NFASC: variants seen among roughly 807,000 people sequenced by gnomAD.
NFASC encodes neurofascin homolog.
NFASC carries 43 observed loss-of-function variants against 147.5 expected under a neutral mutation model. That is an observed-to-expected ratio of 0.29 (90% CI 0.23 to 0.38). NFASC has a LOEUF of 0.38. Among genes scored for constraint, NFASC ranks in the 10% least tolerant of loss-of-function variants. The pLI is 1.00. For synonymous variants in NFASC, 622 were observed against 665.5 expected, an observed-to-expected ratio of 0.93 and a Z score of 1.01; for missense variants, 1,320 against 1,689.0, an observed-to-expected ratio of 0.78 and a Z score of 3.83.
At chr1:205,014,087 C>T (rs765039843) in intron 29 of NFASC, among the ~76,000 whole-genome samples, 1 of 152,248 alleles carries the variant, frequency 6.6e-6, no homozygotes, top group East Asian at 1.9e-4. Flanking sequence ...TTCTCCTCCC[C>T]CAGACTCTTG....
intron 24 of NFASC, among the ~76,000 whole-genome samples, chr1:204,993,410 A>G (rs2095782946): frequency 6.6e-6 from 1 of 152,180 alleles, no homozygotes; most frequent in Non-Finnish European, 1.5e-5. Context: ...TGGGCTCTTG[A>G]TAGGTGCCCT....
chr1:204,913,178 T>G (rs2088132344), intron 1 of NFASC, among the ~76,000 whole-genome samples: 2 of 152,156 alleles, frequency 1.3e-5, no homozygotes, highest in South Asian at 4.2e-4. Context: ...ACAACAAAAT[T>G]TTAAAATGAA....
At position 204,968,002 on chromosome 1, in the gene NFASC, G is replaced by A; in HGVS notation, c.707-247G>A. 1 of 416,456 alleles carries A rather than the reference G, an allele frequency of 2.4e-6. No homozygotes were observed. Among genetic ancestry groups the A allele is most frequent in the South Asian group, 3.0e-5 (1 of 33,032 alleles). The allele number at this position is 416,456 out of a possible 1,614,324, so 25.8% of individuals were successfully genotyped here. ...GAAGGGGAGATTCCCTGAACCTGAG[G>A]GAAGCTGGGCTCCTCCAGGCAGATC... On this transcript the variant is annotated intron_variant, in intron 8 of 29. Coordinates refer to ENST00000339876, the MANE Select transcript of NFASC (RefSeq NM_001005388.3). This position sits in a 1 kb window ranked among gnomAD's most constrained non-coding sequence, Gnocchi z 5.4.
intron 2 of NFASC, among the ~76,000 whole-genome samples, chr1:204,924,962 AC>A (rs1382381814): frequency 2.0e-5 from 3 of 152,050 alleles, no homozygotes; most frequent in African/African-American, 7.2e-5. Context: ...TGCAATCTTC[AC>A]CTCCCAGGTT....
chr1:205,002,534 A>G (rs2096012001), intron 26 of NFASC, 62 bp from the exon 27 acceptor site: 1 of 1,333,848 alleles, frequency 7.5e-7, no homozygotes, highest in Admixed American at 2.6e-5. Flanking sequence ...ACCAGGACCT[A>G]AGCACTGGCT....
intron 1 of NFASC, among the ~76,000 whole-genome samples, chr1:204,848,854 G>A (rs911633122): frequency 3.3e-5 from 5 of 152,150 alleles, no homozygotes; most frequent in South Asian, 2.1e-4. Context: ...GAAGCAAAGC[G>A]TTCATTATCA....
At chr1:204,971,729 T>C (rs2095263003) in intron 11 of NFASC, among the ~76,000 whole-genome samples, 1 of 152,200 alleles carries the variant, frequency 6.6e-6, no homozygotes, top group African/African-American at 2.4e-5. Context: ...TGTGGGTTGC[T>C]GTGAGTCTGC....
At chr1:204,847,814 G>A (rs1445942389) in intron 1 of NFASC, among the ~76,000 whole-genome samples, 1 of 152,066 alleles carries the variant, frequency 6.6e-6, no homozygotes, top group East Asian at 1.9e-4. Flanking sequence ...TCCCATGAGC[G>A]GTGGGCATGG....
chr1:204,909,916 T>G (rs958275957), intron 1 of NFASC, among the ~76,000 whole-genome samples: 2 of 152,140 alleles, frequency 1.3e-5, no homozygotes, highest in Non-Finnish European at 2.9e-5. Context: ...TTTGGGTTTT[T>G]TTTTTAATTA....
chr1:204,990,577 AAAG>A (rs1314567413), intron 23 of NFASC: 1 of 151,026 alleles, frequency 6.6e-6, no homozygotes, highest in Non-Finnish European at 1.5e-5. Flanking sequence ...AAAAAAAAAA[AAAG>A]AAAAAGAAAG....
rs145668075 is a variant in NFASC, at chr1:204,884,033, C to T, written c.-199-36599C>T. 4.7e-3 allele frequency among the ~76,000 whole-genome samples: 715 copies of T among 152,264 alleles called. 9 individuals carry two copies. Among genetic ancestry groups the T allele is most frequent in the African/African-American group, 0.016 (658 of 41,542 alleles). ...GACATCTTGGTTTTTCCCTCCCCTG[C>T]GTCTCACACAGAAGTATTAAGTTGA... is the stretch of plus-strand genomic sequence containing the variant. On this transcript the variant is annotated intron_variant, in intron 1 of 29. Coordinates refer to ENST00000339876, the MANE Select transcript of NFASC (RefSeq NM_001005388.3).
intron 1 of NFASC, among the ~76,000 whole-genome samples, chr1:204,918,863 G>T (rs558353070): frequency 6.6e-6 from 1 of 152,092 alleles, no homozygotes; most frequent in Admixed American, 6.6e-5. Context: ...TGGGATTATA[G>T]GCATGAGCCA....
intron 1 of NFASC, among the ~76,000 whole-genome samples, chr1:204,908,038 G>A (rs1226469566): frequency 6.6e-6 from 1 of 152,178 alleles, no homozygotes; most frequent in Admixed American, 6.5e-5. Flanking sequence ...CCAGAGTGCA[G>A]TGGTGCAACC....
intron 15 of NFASC, among the ~76,000 whole-genome samples, 181 bp from the exon 16 acceptor site, chr1:204,976,490 G>A (rs12124296): frequency 0.22 from 34,160 of 152,148 alleles, 4,654 homozygotes; most frequent in Middle Eastern, 0.37. Context: ...CAAGTATGAT[G>A]AGTGCTCCAG....
chr1:204,887,204 A>G (rs1459896917), intron 1 of NFASC, among the ~76,000 whole-genome samples: 1 of 152,232 alleles, frequency 6.6e-6, no homozygotes, highest in African/African-American at 2.4e-5. Context: ...TTCTGTCTCT[A>G]TGAATTTGAC....
intron 2 of NFASC, among the ~76,000 whole-genome samples, chr1:204,922,607 G>C (rs546685128): frequency 6.6e-6 from 1 of 152,026 alleles, no homozygotes; most frequent in Admixed American, 6.5e-5. Context: ...CCAAGGTTTC[G>C]CAAAACTAAT....
At chr1:204,892,085 A>G (rs1385967517) in intron 1 of NFASC, among the ~76,000 whole-genome samples, 1 of 152,212 alleles carries the variant, frequency 6.6e-6, no homozygotes, top group African/African-American at 2.4e-5. Context: ...GCCCCATAGC[A>G]AGCAATTTTA....
intron 3 of NFASC, chr1:204,946,643 G>A: frequency 2.0e-6 from 1 of 508,786 alleles, no homozygotes; most frequent in Non-Finnish European, 3.9e-6. Context: ...CCATCTCCTG[G>A]GCCTCCTGTA....
At chr1:204,941,587 C>T (rs1363938744) in intron 2 of NFASC, among the ~76,000 whole-genome samples, 2 of 152,310 alleles carry the variant, frequency 1.3e-5, no homozygotes, top group Admixed American at 6.5e-5. Flanking sequence ...CTTCCTCTAT[C>T]GCAGGTTCCC....
Sources: gnomAD v4.1 joint callset for allele counts (sites outside exome capture counted in the v4.1 genomes callset) on GRCh38, gnomAD v4.1.1 for gene constraint, Gnocchi (gnomAD v3.1) non-coding constraint, MANE v1.5 for transcripts, NCBI Gene and HGNC (gene_info 2026-07-23, HGNC 2026-07-21) for gene names.